RGS6: variants seen among roughly 807,000 people sequenced by gnomAD.
RGS6 encodes regulator of G protein signaling 6.
RGS6 carries 30 observed loss-of-function variants against 78.5 expected under a neutral mutation model. The observed-to-expected ratio is 0.38, with a 90% CI of 0.29 to 0.52. The LOEUF is 0.52. Ranked by LOEUF, RGS6 falls within the 20% of genes least tolerant of loss-of-function variation. The pLI, the probability that RGS6 is intolerant of heterozygous loss-of-function variation, is 0.85. For synonymous variants in RGS6, 206 were observed against 206.0 expected, an observed-to-expected ratio of 1.00 and a Z score of 0.00; for missense variants, 495 against 609.7, an observed-to-expected ratio of 0.81 and a Z score of 1.98.
At chr14:72,214,434 G>A (rs1407852020) in intron 2 of RGS6, among the ~76,000 whole-genome samples, 2 of 152,008 alleles carry the variant, frequency 1.3e-5, no homozygotes, top group African/African-American at 4.8e-5. Flanking sequence ...GCGTGTGTAT[G>A]TATAAATTAC....
chr14:72,411,393 T>C (rs1157809885), intron 3 of RGS6, among the ~76,000 whole-genome samples: 1 of 152,208 alleles, frequency 6.6e-6, no homozygotes, highest in African/African-American at 2.4e-5. Flanking sequence ...ATAAGAATGC[T>C]TGTGATTTTT....
At chr14:72,043,386 A>G (rs983313544) in intron 2 of RGS6, among the ~76,000 whole-genome samples, 1 of 152,094 alleles carries the variant, frequency 6.6e-6, no homozygotes, top group Non-Finnish European at 1.5e-5. Context: ...TTCCTTCTCT[A>G]TGAATAACCT....
At chr14:72,501,011 G>A (rs2096717464) in intron 13 of RGS6, among the ~76,000 whole-genome samples, 1 of 152,164 alleles carries the variant, frequency 6.6e-6, no homozygotes, top group East Asian at 1.9e-4. Flanking sequence ...TTCATGAGAG[G>A]AGGGGTTTGG....
chr14:72,276,711 A>G (rs1262111522), intron 2 of RGS6, among the ~76,000 whole-genome samples: 3 of 152,036 alleles, frequency 2.0e-5, no homozygotes, highest in Non-Finnish European at 2.9e-5. Flanking sequence ...CTTCTTGCCT[A>G]TTGCCATGTA....
chr14:72,619,081 G>C, the RGS6 span, among the ~76,000 whole-genome samples: 1 of 152,216 alleles, frequency 6.6e-6, no homozygotes. Context: ...CTTCCTTCCG[G>C]TAGAGACAAG....
chr14:71,936,716 T>C (rs1459488688), intron 1 of RGS6, among the ~76,000 whole-genome samples: 1 of 152,064 alleles, frequency 6.6e-6, no homozygotes, highest in African/African-American at 2.4e-5. Context: ...AGTCAATAAA[T>C]CTTATGTCAC....
At chr14:72,307,224 C>G (rs1246507625) in intron 2 of RGS6, among the ~76,000 whole-genome samples, 4 of 149,936 alleles carry the variant, frequency 2.7e-5, no homozygotes, top group African/African-American at 9.9e-5. Flanking sequence ...AGACATAATG[C>G]TATTGCACAC....
chr14:72,347,526 C>G (rs553928777), intron 2 of RGS6, among the ~76,000 whole-genome samples: 43 of 152,306 alleles, frequency 2.8e-4, no homozygotes, highest in African/African-American at 1.0e-3. Flanking sequence ...TGTTGGCAGG[C>G]TTTGGTTGAG....
chr14:72,231,084 G>T (rs561000450), intron 2 of RGS6, among the ~76,000 whole-genome samples: 11 of 152,224 alleles, frequency 7.2e-5, no homozygotes, highest in African/African-American at 2.6e-4. Context: ...TTCAGGCTGG[G>T]GTCACTGGAG....
intron 2 of RGS6, among the ~76,000 whole-genome samples, chr14:72,155,737 C>T (rs982475682): frequency 1.3e-5 from 2 of 152,234 alleles, no homozygotes; most frequent in African/African-American, 4.8e-5. Context: ...AAATGCCAAA[C>T]AATTGGCAAT....
At chr14:72,577,423 C>T in the RGS6 span, among the ~76,000 whole-genome samples, 291 of 152,268 alleles carry the variant, frequency 1.9e-3, 2 homozygotes, top group African/African-American at 6.0e-3. Flanking sequence ...AGCTTAGTGC[C>T]GACCATTTAC....
At chr14:72,560,224 GGGA>G (rs370980336) in intron 17 of RGS6, among the ~76,000 whole-genome samples, 1 of 152,176 alleles carries the variant, frequency 6.6e-6, no homozygotes, top group Non-Finnish European at 1.5e-5. Flanking sequence ...AAGGAGGGAT[GGGA>G]GGAGGAGGAG....
intron 11 of RGS6, 111 bp downstream of exon 11, chr14:72,476,951 G>GCTGGGTTCCAC: frequency 1.1e-6 from 1 of 894,448 alleles, no homozygotes; most frequent in Non-Finnish European, 1.8e-6. Flanking sequence ...GGAAACCACA[G>GCTGGGTTCCAC]TGGAACCCAG....
the RGS6 span, among the ~76,000 whole-genome samples, chr14:71,878,051 C>T: frequency 6.6e-6 from 1 of 152,116 alleles, no homozygotes; most frequent in East Asian, 1.9e-4. Flanking sequence ...GGAAGCTTCT[C>T]AGAGGGGCAT....
intron 2 of RGS6, among the ~76,000 whole-genome samples, chr14:72,196,087 G>C (rs2040053350): frequency 6.6e-6 from 1 of 151,966 alleles, no homozygotes; most frequent in African/African-American, 2.4e-5. Context: ...AAATGGGGGA[G>C]GGGGAGACTG....
chr14:72,164,008 G>A (rs2096890324), intron 2 of RGS6, among the ~76,000 whole-genome samples: 1 of 152,090 alleles, frequency 6.6e-6, no homozygotes, highest in Non-Finnish European at 1.5e-5. Context: ...GGTATGCAAA[G>A]GGAATGGTGA....
chr14:72,232,380 G>A (rs1041222392), intron 2 of RGS6, among the ~76,000 whole-genome samples: 2 of 152,204 alleles, frequency 1.3e-5, no homozygotes, highest in Admixed American at 6.5e-5. Context: ...ATGCAGGCAG[G>A]TGCTTGAGGC....
At chr14:72,325,496 T>G (rs1165545174) in intron 2 of RGS6, among the ~76,000 whole-genome samples, 5 of 152,200 alleles carry the variant, frequency 3.3e-5, no homozygotes, top group Non-Finnish European at 5.9e-5. Context: ...GGTCTTACAT[T>G]TAAGTCTTTA....
At chr14:72,247,173 T>G (rs1037368046) in intron 2 of RGS6, among the ~76,000 whole-genome samples, 2 of 152,228 alleles carry the variant, frequency 1.3e-5, no homozygotes, top group African/African-American at 4.8e-5. Flanking sequence ...CATTGTAGTT[T>G]TCCATACAAT....
Sources: allele counts gnomAD v4.1 joint callset (sites outside exome capture counted in the v4.1 genomes callset), GRCh38; gene constraint gnomAD v4.1.1; transcripts MANE v1.5; gene names NCBI Gene and HGNC (gene_info 2026-07-23, HGNC 2026-07-21).